The following IPO8 variants were observed in gnomAD, a reference collection of about 807,000 sequenced individuals.
IPO8 encodes the protein importin 8.
IPO8 carries 65 observed loss-of-function variants against 141.2 expected under a neutral mutation model. The ratio of observed to expected loss-of-function variants is 0.46; its 90% confidence interval spans 0.38 to 0.57. The LOEUF (loss-of-function observed/expected upper bound fraction) is 0.57. IPO8 is among the 20% of genes least tolerant of loss of function. The pLI is 0.00. For synonymous variants in IPO8, 411 were observed against 420.3 expected, an observed-to-expected ratio of 0.98 and a Z score of 0.27; for missense variants, 980 against 1,246.8, an observed-to-expected ratio of 0.79 and a Z score of 3.22.
At chr12:30,666,317 T>C in intron 10 of IPO8, 66 bp from the exon 11 acceptor site, 1 of 1,213,402 alleles carries the variant, frequency 8.2e-7, no homozygotes, top group Non-Finnish European at 1.2e-6. Context: ...ATTTTAAACC[T>C]GACTGACCGC....
intron 2 of IPO8, among the ~76,000 whole-genome samples, chr12:30,686,897 C>A (rs983761971): frequency 1.3e-5 from 2 of 151,770 alleles, no homozygotes; most frequent in Non-Finnish European, 2.9e-5. Flanking sequence ...GGCACACTGA[C>A]TAATTTGTAT....
chr12:30,683,857 G>A (rs2053213459), intron 3 of IPO8, among the ~76,000 whole-genome samples: 1 of 152,068 alleles, frequency 6.6e-6, no homozygotes, highest in Admixed American at 6.5e-5. Context: ...CTTCTCTGAA[G>A]GAAAACATGC....
chr12:30,669,088 T>C (rs745329796), intron 10 of IPO8, 95 bp downstream of exon 10: 10 of 546,658 alleles, frequency 1.8e-5, no homozygotes, highest in Non-Finnish European at 3.1e-5. Context: ...ACCTGGGAGA[T>C]TTAATAAAGT....
intron 20 of IPO8, among the ~76,000 whole-genome samples, chr12:30,641,522 G>C (rs1318189139): frequency 1.7e-4 from 23 of 131,850 alleles, no homozygotes; most frequent in African/African-American, 5.7e-4. Flanking sequence ...CTTTTTTGGA[G>C]ACAGAGTCTT....
intron 20 of IPO8, among the ~76,000 whole-genome samples, chr12:30,640,548 T>C (rs1356841374): frequency 3.9e-5 from 6 of 152,182 alleles, no homozygotes; most frequent in African/African-American, 1.2e-4. Flanking sequence ...TAAAGCTCTC[T>C]ACAAAGATGA....
At chr12:30,676,467 C>T in intron 6 of IPO8, 31 bp downstream of exon 6, 3 of 1,501,010 alleles carry the variant, frequency 2.0e-6, no homozygotes, top group East Asian at 2.3e-5. Flanking sequence ...ACCCGTTTCC[C>T]CTATTTTTCT....
chr12:30,695,551 A>C lies in IPO8; in HGVS notation c.84+13T>G. The C allele has an allele frequency of 6.2e-7, 1 of 1,611,214 alleles. No homozygotes were observed. Among genetic ancestry groups the C allele is most frequent in the East Asian group, 2.2e-5 (1 of 44,674 alleles). ...CTTCGGCGGAAGAGGGTCGCCGAAG[A>C]CCCTCTCCTCACCTGGTTGAGCTCG... On this transcript the variant is annotated intron_variant, in intron 1 of 24. Transcript: ENST00000256079. This position sits in a 1 kb window ranked among gnomAD's most constrained non-coding sequence, Gnocchi z 4.2.
At chr12:30,641,493 C>CA in intron 20 of IPO8, among the ~76,000 whole-genome samples, 1 of 135,054 alleles carries the variant, frequency 7.4e-6, no homozygotes, top group African/African-American at 2.7e-5. Context: ...TAAGCTATTT[C>CA]TTTTTTTTTT....
At chr12:30,678,378 A>G (rs1040258049) in intron 5 of IPO8, among the ~76,000 whole-genome samples, 5 of 152,116 alleles carry the variant, frequency 3.3e-5, no homozygotes, top group African/African-American at 1.2e-4. Context: ...AATATCTTAT[A>G]CTGCATTTTT....
At chr12:30,652,581 C>T (rs550890511) in intron 18 of IPO8, among the ~76,000 whole-genome samples, 9 of 152,142 alleles carry the variant, frequency 5.9e-5, no homozygotes, top group Non-Finnish European at 8.8e-5. Context: ...CATTTGTCTG[C>T]GTGATTCCCT....
At chr12:30,675,769 G>A (rs754207967) in intron 6 of IPO8, among the ~76,000 whole-genome samples, 27 of 151,020 alleles carry the variant, frequency 1.8e-4, no homozygotes, top group South Asian at 2.1e-4. Flanking sequence ...GTGTGAACCC[G>A]GGAGGCGGAG....
chr12:30,680,287 C>A (rs1007433704), intron 5 of IPO8, 195 bp downstream of exon 5: 3 of 480,196 alleles, frequency 6.2e-6, no homozygotes, highest in Admixed American at 3.7e-5. Flanking sequence ...GTGAAAAGCA[C>A]TTAGGGGCAG....
At chr12:30,638,810 G>A (rs1294526384) in intron 21 of IPO8, among the ~76,000 whole-genome samples, 1 of 152,064 alleles carries the variant, frequency 6.6e-6, no homozygotes, top group Admixed American at 6.6e-5. Context: ...GGGACTACAG[G>A]TGCCCACCAC....
At chr12:30,658,930 G>A (rs2052841292) in intron 16 of IPO8, among the ~76,000 whole-genome samples, 2 of 143,358 alleles carry the variant, frequency 1.4e-5, no homozygotes, top group East Asian at 4.1e-4. Flanking sequence ...CCCCAGGCTG[G>A]AGTGCAATGG....
chr12:30,644,168 G>C (rs2052609713), intron 20 of IPO8, among the ~76,000 whole-genome samples: 1 of 151,616 alleles, frequency 6.6e-6, no homozygotes, highest in African/African-American at 2.4e-5. Flanking sequence ...AGGAGTTAGA[G>C]AGCGGCCAAA....
intron 20 of IPO8, among the ~76,000 whole-genome samples, chr12:30,645,732 A>G (rs12826615): frequency 0.18 from 27,901 of 152,130 alleles, 3,150 homozygotes; most frequent in East Asian, 0.3. Context: ...TATGAACCAC[A>G]TGCAATGAAT....
intron 1 of IPO8, among the ~76,000 whole-genome samples, chr12:30,691,436 T>C (rs2053290158): frequency 6.6e-6 from 1 of 152,132 alleles, no homozygotes; most frequent in African/African-American, 2.4e-5. Context: ...CCCACAGGTG[T>C]GCTCTACTAT....
intron 1 of IPO8, among the ~76,000 whole-genome samples, chr12:30,691,825 T>C (rs1168721386): frequency 6.6e-6 from 1 of 152,226 alleles, no homozygotes; most frequent in Non-Finnish European, 1.5e-5. Flanking sequence ...TTAAAAATAT[T>C]AATCTTTTTC....
intron 23 of IPO8, among the ~76,000 whole-genome samples, chr12:30,633,184 A>G (rs2052457221): frequency 6.6e-6 from 1 of 152,204 alleles, no homozygotes. Context: ...TTTTTTCTTC[A>G]TTAATGTTAT....
Sources: allele counts gnomAD v4.1 joint callset (sites outside exome capture counted in the v4.1 genomes callset), GRCh38; gene constraint gnomAD v4.1.1; non-coding constraint Gnocchi (gnomAD v3.1); transcripts MANE v1.5; gene names NCBI Gene and HGNC (gene_info 2026-07-23, HGNC 2026-07-21).